The following ITPR2 variants were observed in gnomAD, a reference collection of about 807,000 sequenced individuals.
The protein encoded by ITPR2 is inositol 1,4,5-trisphosphate-gated calcium channel ITPR2.
ITPR2 carries 207 observed loss-of-function variants against 317.1 expected under a neutral mutation model. That is an observed-to-expected ratio of 0.65 (90% CI 0.58 to 0.73). The LOEUF is 0.73. Ranked by LOEUF, ITPR2 falls within the 30% of genes least tolerant of loss-of-function variation. The pLI is 0.00. For synonymous variants in ITPR2, 1,156 were observed against 1,149.1 expected (o/e 1.01, Z -0.12); for missense variants, 2,613 against 3,284.0 (o/e 0.80, Z 4.99).
intron 15 of ITPR2, 145 bp downstream of exon 15, chr12:26,663,540 T>C: frequency 1.3e-6 from 1 of 770,350 alleles, no homozygotes; most frequent in African/African-American, 1.7e-5. Flanking sequence ...TACTTACAAA[T>C]CATTTTTATG....
At chr12:26,557,732 G>T (rs1944702375) in intron 35 of ITPR2, among the ~76,000 whole-genome samples, 1 of 152,172 alleles carries the variant, frequency 6.6e-6, no homozygotes, top group Admixed American at 6.5e-5. Context: ...TTAGTTGAAT[G>T]TTGTGTTATT....
At position 26,656,473 on chromosome 12, in the gene ITPR2, C is replaced by G. The variant is rs150957410; in HGVS notation, c.2268G>C (p.Leu756=). The G allele has an allele frequency of 2.5e-4, 399 of 1,614,224 alleles. No homozygotes were observed. In the African/African-American group the frequency reaches 4.2e-3, roughly 17 times the overall value. The part of the protein sequence containing the change: ...YLAINQISTQ[L]SVDLILRCVS... Reference sequence around the variant, plus strand: ...CACACCGCAGGATCAGGTCTACAGACAGCTGTGTAGAAATCTGGTTTATGG... The same window carrying G: ...CACACCGCAGGATCAGGTCTACAGAGAGCTGTGTAGAAATCTGGTTTATGG... Residue 756 remains leucine, a synonymous_variant, in exon 19 of 57, where the codon CTG becomes CTC. Coordinates refer to ENST00000381340, the MANE Select transcript of ITPR2 (RefSeq NM_002223.4).
In ITPR2 at chr12:26,688,525, GGAA is replaced by G. The variant is rs1948173464; in HGVS notation, c.997-1896_997-1894del. On this transcript the variant is annotated intron_variant, in intron 10 of 56. Transcript: ENST00000381340. ...GAGGGAAGGGGAAAAAGAAAGGGGAGGAAGAAGGAGAAGCAGAGGAAGAAGAAG... is the reference window on the plus strand; with the variant it reads ...GAGGGAAGGGGAAAAAGAAAGGGGAGGAAGGAGAAGCAGAGGAAGAAGAAG... Among the ~76,000 whole-genome samples the G allele has an allele frequency of 2.0e-5, 3 of 152,012 alleles. No individual in the cohort carries two copies. The South Asian group carries it at 6.2e-4, about 32-fold the overall frequency.
intron 2 of ITPR2, among the ~76,000 whole-genome samples, chr12:26,726,374 T>C (rs1948922797): frequency 2.0e-5 from 3 of 152,202 alleles, no homozygotes; most frequent in Admixed American, 2.0e-4. Context: ...TAGAGGAATA[T>C]TATAGTTGTG....
At chr12:26,489,082 C>T (rs577061767) in intron 39 of ITPR2, among the ~76,000 whole-genome samples, 64 of 152,158 alleles carry the variant, frequency 4.2e-4, no homozygotes, top group Middle Eastern at 3.4e-3. Context: ...CTTTTAAGAA[C>T]GAGGTATCTA....
intron 37 of ITPR2, among the ~76,000 whole-genome samples, chr12:26,539,170 T>C (rs1453858447): frequency 6.6e-6 from 1 of 152,222 alleles, no homozygotes; most frequent in East Asian, 1.9e-4. Flanking sequence ...GTGAAATGTA[T>C]CAGGCCCAGT....
intron 48 of ITPR2, among the ~76,000 whole-genome samples, chr12:26,432,900 C>T (rs1386407941): frequency 6.6e-6 from 1 of 152,072 alleles, no homozygotes; most frequent in South Asian, 2.1e-4. Flanking sequence ...TAATCTCACC[C>T]ACCTCTAAAT....
At chr12:26,571,626 C>T (rs1307146810) in intron 34 of ITPR2, among the ~76,000 whole-genome samples, 1 of 152,220 alleles carries the variant, frequency 6.6e-6, no homozygotes, top group African/African-American at 2.4e-5. Context: ...AGGTTAATGC[C>T]GCTAGCACGT....
chr12:26,364,277 C>A (rs377581950), intron 55 of ITPR2, among the ~76,000 whole-genome samples: 1 of 152,116 alleles, frequency 6.6e-6, no homozygotes, highest in Non-Finnish European at 1.5e-5. Context: ...ATTTATCAAT[C>A]GTATTGATGG....
chr12:26,564,595 C>G (rs1226473212), intron 34 of ITPR2, among the ~76,000 whole-genome samples: 1 of 152,140 alleles, frequency 6.6e-6, no homozygotes, highest in Non-Finnish European at 1.5e-5. Context: ...GGGCCCCAAT[C>G]CAATTCAACT....
intron 32 of ITPR2, among the ~76,000 whole-genome samples, chr12:26,591,233 A>G (rs11048602): frequency 0.26 from 39,468 of 152,046 alleles, 5,975 homozygotes; most frequent in Non-Finnish European, 0.35. Context: ...AAACAACTCT[A>G]TAGGAAAAAA....
chr12:26,397,108 G>C (rs1364815520), intron 54 of ITPR2, among the ~76,000 whole-genome samples: 2 of 151,444 alleles, frequency 1.3e-5, no homozygotes, highest in Non-Finnish European at 2.9e-5. Context: ...AAAAAAAATA[G>C]ACCCTGCAGT....
chr12:26,676,603 G>A (rs570258830), intron 13 of ITPR2, among the ~76,000 whole-genome samples: 150 of 151,774 alleles, frequency 9.9e-4, no homozygotes, highest in African/African-American at 3.5e-3. Flanking sequence ...AAGATGAAAA[G>A]AGAAAGAACA....
At chr12:26,708,968 T>C (rs1470054655) in intron 9 of ITPR2, among the ~76,000 whole-genome samples, 2 of 152,226 alleles carry the variant, frequency 1.3e-5, no homozygotes, top group African/African-American at 4.8e-5. Context: ...GATAAACGTG[T>C]AATCATTGCT....
At chr12:26,648,772 A>C (rs571958120) in intron 21 of ITPR2, 13 of 152,110 alleles carry the variant, frequency 8.5e-5, no homozygotes, top group East Asian at 7.7e-4. Context: ...ACAATCTGGG[A>C]TTTCCTCTCT....
At chr12:26,494,637 G>A (rs1218278549) in intron 38 of ITPR2, among the ~76,000 whole-genome samples, 1 of 151,788 alleles carries the variant, frequency 6.6e-6, no homozygotes, top group African/African-American at 2.4e-5. Flanking sequence ...AGGCGTGGTG[G>A]CACATGACTG....
At chr12:26,562,233 T>C (rs1944838379) in intron 34 of ITPR2, among the ~76,000 whole-genome samples, 1 of 152,200 alleles carries the variant, frequency 6.6e-6, no homozygotes. Context: ...ACACACTGTA[T>C]AACAACCAGC....
chr12:26,745,675 A>T (rs1208892209), intron 2 of ITPR2, among the ~76,000 whole-genome samples: 1 of 152,216 alleles, frequency 6.6e-6, no homozygotes, highest in Admixed American at 6.5e-5. Flanking sequence ...ACTTGGTTTC[A>T]GAGAGACAGA....
chr12:26,544,354 T>C (rs1156573757), intron 37 of ITPR2, among the ~76,000 whole-genome samples: 1 of 152,170 alleles, frequency 6.6e-6, no homozygotes, highest in Non-Finnish European at 1.5e-5. Context: ...AAGCTTTTAA[T>C]AAATAATTGA....
Sources: allele counts gnomAD v4.1 joint callset (sites outside exome capture counted in the v4.1 genomes callset), GRCh38; gene constraint gnomAD v4.1.1; transcripts MANE v1.5; gene names NCBI Gene and HGNC (gene_info 2026-07-23, HGNC 2026-07-21).